Variants in EIF2AK4 observed in about 807,000 individuals in gnomAD.
EIF2AK4 encodes eIF-2-alpha kinase GCN2.
EIF2AK4 carries 139 observed loss-of-function variants against 211.1 expected under a neutral mutation model. The ratio of observed to expected loss-of-function variants is 0.66; its 90% CI spans 0.57 to 0.76. The LOEUF (loss-of-function observed/expected upper bound fraction) is 0.76. Ranked by LOEUF, EIF2AK4 falls within the 30% of genes least tolerant of loss-of-function variation. The pLI is 0.00. For synonymous variants in EIF2AK4, 710 were observed against 751.3 expected, an observed-to-expected ratio of 0.94 and a Z score of 0.90; for missense variants, 1,664 against 2,043.8, an observed-to-expected ratio of 0.81 and a Z score of 3.58.
chr15:39,956,778 G>T (rs1372935158), intron 6 of EIF2AK4, among the ~76,000 whole-genome samples: 1 of 152,142 alleles, frequency 6.6e-6, no homozygotes, highest in Non-Finnish European at 1.5e-5. Flanking sequence ...ATTATCTCTT[G>T]TGAGACTCTA....
intron 23 of EIF2AK4, among the ~76,000 whole-genome samples, chr15:40,005,504 A>G (rs1828505499): frequency 6.6e-6 from 1 of 151,862 alleles, no homozygotes; most frequent in Non-Finnish European, 1.5e-5. Context: ...CTGAAAAACA[A>G]CAACAACAAA....
rs2035232472 is a variant in EIF2AK4 at position 40,011,298 on chromosome 15, G to A, written c.3711G>A (p.Arg1237=). 2 of 1,613,908 alleles carry A rather than the reference G, an allele frequency of 1.2e-6. No individual in the cohort carries two copies. The highest frequency in any genetic ancestry group is 1.7e-6 in the Non-Finnish European group (2 of 1,179,882). The change falls in exon 27 of 39, where the codon AGG becomes AGA. Residue 1237 remains arginine, a synonymous_variant. Coordinates refer to ENST00000263791, the MANE Select transcript of EIF2AK4 (RefSeq NM_001013703.4). Reference sequence around the variant, plus strand: ...CACGTTAGACAGAGAAGCTGACGAGGAGAGAAGTGGAAGCTAAATTTTGTA... The same window carrying A: ...CACGTTAGACAGAGAAGCTGACGAGAAGAGAAGTGGAAGCTAAATTTTGTA... The part of the protein sequence containing the change: ...LYDAVTEKLT[R]REVEAKFCNL...
chr15:40,035,339 A>C lies in EIF2AK4; in HGVS notation c.*255A>C, dbSNP rs2035601939. On this transcript the variant is annotated 3_prime_UTR_variant, in exon 39 of 39. Transcript: ENST00000263791. ...AAAAAAATTAGTTGGGCATGGTGGC[A>C]CATGCCTGTAGTCCCAGCTACTCCA... 1 of 240,318 alleles carries C rather than the reference A, an allele frequency of 4.2e-6. No individual in the cohort carries two copies. The highest frequency in any genetic ancestry group is 7.9e-6 in the Non-Finnish European group (1 of 126,152). 14.9% of individuals were successfully genotyped at this position (240,318 alleles called of 1,614,324 possible). A position where few individuals can be genotyped will look rare whatever the true frequency, so the allele number is the denominator to read the frequency against.
chr15:39,975,340 A>C (rs969853553), intron 11 of EIF2AK4: 5 of 152,174 alleles, frequency 3.3e-5, no homozygotes, highest in Admixed American at 6.5e-5. Flanking sequence ...GATAATCTGA[A>C]ACTCAATTTT....
rs541667351 is a variant in EIF2AK4 at position 40,004,928 on chromosome 15, G to A, written c.3357+1614G>A. On this transcript the variant is annotated intron_variant, in intron 23 of 38. Coordinates refer to ENST00000263791, the MANE Select transcript of EIF2AK4 (RefSeq NM_001013703.4). Reference sequence around the variant, plus strand: ...AAGATGAAAATACAGTCAGCTCTTCGTACATATCCTTGGATTCCACATCCA... The same window carrying A: ...AAGATGAAAATACAGTCAGCTCTTCATACATATCCTTGGATTCCACATCCA... 1.1e-4 allele frequency among the ~76,000 whole-genome samples: 17 copies of A among 152,050 alleles called. No homozygotes were observed. In the South Asian group the frequency reaches 1.7e-3, roughly 15 times the overall value.
chr15:40,008,326 C>T, intron 25 of EIF2AK4, 131 bp downstream of exon 25: 1 of 825,208 alleles, frequency 1.2e-6, no homozygotes, highest in Non-Finnish European at 1.8e-6. Flanking sequence ...ACTAAAGTAA[C>T]TGAGAAGAGC....
chr15:39,959,512 A>G (rs763003474), intron 6 of EIF2AK4, among the ~76,000 whole-genome samples: 8 of 152,188 alleles, frequency 5.3e-5, no homozygotes, highest in South Asian at 2.1e-4. Context: ...TTTTCTTTCA[A>G]TCCTAGTTAT....
At chr15:40,004,511 C>G (rs1329401631) in intron 23 of EIF2AK4, among the ~76,000 whole-genome samples, 1 of 151,660 alleles carries the variant, frequency 6.6e-6, no homozygotes, top group African/African-American at 2.4e-5. Flanking sequence ...TAGTTCAAGA[C>G]CAGCCTGGGC....
At chr15:40,029,216 A>C in intron 33 of EIF2AK4, 190 bp from the exon 34 acceptor site, 1 of 710,834 alleles carries the variant, frequency 1.4e-6, no homozygotes. Flanking sequence ...ATCCTTTATA[A>C]TTTTTACTTG....
At chr15:39,991,660 C>T (rs893878478) in intron 16 of EIF2AK4, 3 of 153,826 alleles carry the variant, frequency 2.0e-5, no homozygotes, top group Non-Finnish European at 2.9e-5. Context: ...GCAGACATAA[C>T]AATAGTGACT....
intron 32 of EIF2AK4, among the ~76,000 whole-genome samples, chr15:40,024,324 G>T (rs944951505): frequency 6.6e-6 from 1 of 150,506 alleles, no homozygotes; most frequent in Non-Finnish European, 1.5e-5. Flanking sequence ...ATACAGGCGT[G>T]TGCCACTGCA....
At chr15:39,959,047 A>G (rs949863427) in intron 6 of EIF2AK4, among the ~76,000 whole-genome samples, 1 of 152,168 alleles carries the variant, frequency 6.6e-6, no homozygotes, top group Non-Finnish European at 1.5e-5. Context: ...TATTTGAAAC[A>G]CCCTTCATAT....
chr15:40,020,373 G>T (rs1343629670), intron 30 of EIF2AK4, among the ~76,000 whole-genome samples: 1 of 150,320 alleles, frequency 6.7e-6, no homozygotes. Flanking sequence ...GCCGAGCATG[G>T]TGGCTCATGC....
chr15:39,979,007 C>T (rs1301844625), intron 13 of EIF2AK4, among the ~76,000 whole-genome samples: 1 of 152,306 alleles, frequency 6.6e-6, no homozygotes, highest in South Asian at 2.1e-4. Flanking sequence ...GTTTAACAAA[C>T]TGATTTGTTT....
intron 7 of EIF2AK4, among the ~76,000 whole-genome samples, chr15:39,963,869 A>T (rs17721122): frequency 0.085 from 12,927 of 152,302 alleles, 739 homozygotes; most frequent in Middle Eastern, 0.23. Context: ...ATGCCTGCCT[A>T]GTCCCAATTA....
chr15:40,002,637 C>A (rs1389355903), intron 21 of EIF2AK4, 76 bp from the exon 22 acceptor site: 3 of 1,506,376 alleles, frequency 2.0e-6, no homozygotes, highest in Non-Finnish European at 2.8e-6. Flanking sequence ...GTGCCTACTG[C>A]AAGCCACAGA....
chr15:40,001,566 G>A (rs747423277), intron 21 of EIF2AK4, among the ~76,000 whole-genome samples: 7 of 150,708 alleles, frequency 4.6e-5, no homozygotes, highest in African/African-American at 4.9e-5. Context: ...GGAGGCAGGC[G>A]GAGGTTGCAG....
chr15:39,993,572 C>G (rs1346589582), intron 18 of EIF2AK4, among the ~76,000 whole-genome samples: 1 of 152,144 alleles, frequency 6.6e-6, no homozygotes, highest in Non-Finnish European at 1.5e-5. Context: ...AAAGAGAAAG[C>G]CCTGAGTGAG....
chr15:40,002,738 A>G lies in EIF2AK4; in HGVS notation c.3185A>G (p.Lys1062Arg), dbSNP rs1007691794. ...LKGNFSIRTA[K>R]MQQHVCETII... ...GGCAACTTCTCAATCCGTACAGCCA[A>G]GATGCAGCAGCATGTGTGTGAAACC... The change falls in exon 22 of 39, where the codon AAG becomes AGG. Residue 1062 changes from lysine to arginine, a missense_variant. Around this residue, in one of 7 missense-constraint regions of EIF2AK4, gnomAD observed 622 missense variants for 796.8 expected, o/e 0.78. Transcript: ENST00000263791. The G allele has an allele frequency of 5.0e-6, 8 of 1,614,126 alleles. No individual in the cohort carries two copies. The African/African-American group carries it at 9.3e-5, about 19-fold the overall frequency.
Sources: gnomAD v4.1 joint callset for allele counts (sites outside exome capture counted in the v4.1 genomes callset) on GRCh38, gnomAD v4.1.1 for gene constraint, gnomAD v4.1.1 regional missense constraint, MANE v1.5 for transcripts, NCBI Gene and HGNC (gene_info 2026-07-23, HGNC 2026-07-21) for gene names.